The following TRMT1L variants were observed in gnomAD, a reference collection of about 807,000 sequenced individuals.
TRMT1L encodes the protein tRNA (guanine(27)-N(2))-dimethyltransferase.
A neutral mutation model predicts 81.6 loss-of-function variants in TRMT1L; 28 were observed. The observed-to-expected ratio is 0.34, with a 90% CI of 0.25 to 0.47. TRMT1L has a LOEUF of 0.47. Among genes scored for constraint, TRMT1L ranks in the 20% least tolerant of loss-of-function variants. The probability of loss-of-function intolerance (pLI) is 1.00; values close to 1 mark genes in which losing one functional copy is unlikely to be tolerated. For synonymous variants in TRMT1L, 301 were observed against 303.2 expected, an observed-to-expected ratio of 0.99 and a Z score of 0.07; for missense variants, 739 against 877.1, an observed-to-expected ratio of 0.84 and a Z score of 1.99.
In TRMT1L at chr1:185,145,561, C is replaced by A; in HGVS notation, c.533G>T (p.Ser178Ile). Residue 178 changes from serine (S) to isoleucine (I), a missense_variant, in exon 5 of 15, where the codon AGT (serine) becomes ATT (isoleucine). Ser to Ile is a moderately radical substitution (Grantham distance 142, BLOSUM62 -2). Transcript: ENST00000367506. ...ACAATGATAATGGGCTCCCATTTTACTGGTTATCTATCAAACAGAGTATTT... is the reference window on the plus strand; with the variant it reads ...ACAATGATAATGGGCTCCCATTTTAATGGTTATCTATCAAACAGAGTATTT... ...KPNIIGEQITSKMGAHYHCII... is the reference protein window; with the variant it reads ...KPNIIGEQITIKMGAHYHCII... 6.2e-7 allele frequency: 1 copy of A among 1,610,840 alleles called. No homozygotes were observed. The highest frequency in any genetic ancestry group is 8.5e-7 in the Non-Finnish European group (1 of 1,177,958).
intron 7 of TRMT1L, among the ~76,000 whole-genome samples, chr1:185,140,713 TCA>T (rs1653014690): frequency 6.6e-6 from 1 of 151,436 alleles, no homozygotes; most frequent in South Asian, 2.1e-4. Flanking sequence ...GTGAGATGGC[TCA>T]CACCTGTAAT....
Position 185,156,889 on chromosome 1 carries a change from G to T in TRMT1L, c.-177C>A. ...AACCAGTGACCAAATCCTGTTAGTA[G>T]AAAACAGAAAGCCAGAGGCAGCGAT... On this transcript the variant is annotated 5_prime_UTR_variant, in exon 1 of 15. Transcript: ENST00000367506. 1 of 872,350 alleles carries T rather than the reference G, an allele frequency of 1.1e-6. No homozygotes were observed. The allele number at this position is 872,350 out of a possible 1,614,324, so 54.0% of individuals were successfully genotyped here. A position where few individuals can be genotyped will look rare whatever the true frequency, so the allele number is the denominator to read the frequency against.
rs1431367362 is a variant in TRMT1L at position 185,139,577 on chromosome 1, T to C, written c.1112A>G (p.His371Arg). The C allele has an allele frequency of 1.2e-6, 2 of 1,603,956 alleles. No homozygotes were observed. Among genetic ancestry groups the C allele is most frequent in the Admixed American group, 3.4e-5 (2 of 59,308 alleles). ...CACTGATGTTCCAAAAGGGTCTAGATGTCTAAAATCAGAAAGAATATAGAC... is the reference window on the plus strand; with the variant it reads ...CACTGATGTTCCAAAAGGGTCTAGACGTCTAAAATCAGAAAGAATATAGAC... ...LMHLRSFDFIHLDPFGTSVNY... is the reference protein window; with the variant it reads ...LMHLRSFDFIRLDPFGTSVNY... The change falls in exon 9 of 15, where the codon CAT becomes CGT. Residue 371 changes from histidine (H) to arginine (R), a missense_variant and splice_region_variant. By Grantham distance (29) the His-to-Arg change is conservative. Transcript: ENST00000367506.
At chr1:185,147,308 A>G (rs368928285) in intron 3 of TRMT1L, 62 bp from the exon 4 acceptor site, 2 of 1,268,090 alleles carry the variant, frequency 1.6e-6, no homozygotes, top group Non-Finnish European at 2.3e-6. Flanking sequence ...ATCAAAAATT[A>G]TAAGCAAGTT....
intron 13 of TRMT1L, chr1:185,120,979 C>T (rs934378971): frequency 2.6e-5 from 4 of 152,406 alleles, no homozygotes; most frequent in African/African-American, 7.2e-5. Context: ...ATTGGATACA[C>T]AGTGGGTCTT....
intron 7 of TRMT1L, 111 bp from the exon 8 acceptor site, chr1:185,140,333 G>A: frequency 4.3e-6 from 4 of 937,856 alleles, no homozygotes; most frequent in East Asian, 2.7e-5. Context: ...AAAATTTAAT[G>A]TTTTCATGAA....
At position 185,120,463 on chromosome 1, in the gene TRMT1L, T is replaced by C; in HGVS notation, c.1869A>G (p.Gln623=). The change falls in exon 14 of 15, where the codon CAA becomes CAG. Residue 623 remains glutamine (Q), a synonymous_variant. Coordinates refer to ENST00000367506, the MANE Select transcript of TRMT1L (RefSeq NM_030934.5). ...NEMITNLGKK[Q]KTDVSTEHPP... The stretch of plus-strand genomic sequence containing the variant: ...GATGTTCAGTACTGACATCAGTCTT[T>C]TGCTTCTTGCCTAAATTTGTGATCA... 1 of 1,601,848 alleles carries C rather than the reference T, an allele frequency of 6.2e-7. No homozygotes were observed. The highest frequency in any genetic ancestry group is 1.1e-5 in the South Asian group (1 of 88,132).
At position 185,143,221 on chromosome 1, in the gene TRMT1L, T is replaced by A. The variant is rs190152670; in HGVS notation, c.859+136A>T. 137 of 652,248 alleles carry A rather than the reference T, an allele frequency of 2.1e-4. No individual in the cohort carries two copies. In the African/African-American group the frequency reaches 2.2e-3, roughly 10 times the overall value. The allele number at this position is 652,248 out of a possible 1,614,324, so 40.4% of individuals were successfully genotyped here. The stretch of plus-strand genomic sequence containing the variant: ...TTATACTCTAATATACATTTAAAAT[T>A]TTTCACAATAAAAAATTAAAAATTT... On this transcript the variant is annotated intron_variant, in intron 7 of 14. Transcript: ENST00000367506.
intron 11 of TRMT1L, among the ~76,000 whole-genome samples, chr1:185,125,851 A>G (rs1652612418): frequency 6.6e-6 from 1 of 152,186 alleles, no homozygotes; most frequent in Non-Finnish European, 1.5e-5. Flanking sequence ...GGTTTTCACA[A>G]TGCACATTCT....
At chr1:185,149,517 T>G (rs557730849) in intron 3 of TRMT1L, among the ~76,000 whole-genome samples, 7 of 152,072 alleles carry the variant, frequency 4.6e-5, no homozygotes, top group Non-Finnish European at 1.0e-4. Flanking sequence ...TTGCTCAGGC[T>G]GGTCTTGAAC....
In TRMT1L at chr1:185,131,939, G is replaced by A. The variant is rs185238654; in HGVS notation, c.1514-3192C>T. ...GCAGATCACTTGAGGTCAGGAGATC[G>A]AGACCAGCCTGGCCAATGTGCTGAA... is the stretch of plus-strand genomic sequence containing the variant. On this transcript the variant is annotated intron_variant, in intron 10 of 14. Coordinates refer to ENST00000367506, the MANE Select transcript of TRMT1L (RefSeq NM_030934.5). Among the ~76,000 whole-genome samples, 540 of 150,996 alleles carry A rather than the reference G, an allele frequency of 3.6e-3. 1 individual carries two copies. Among genetic ancestry groups the A allele is most frequent in the Admixed American group, 7.2e-3 (109 of 15,158 alleles).
intron 1 of TRMT1L, among the ~76,000 whole-genome samples, chr1:185,155,402 T>C (rs1653481800): frequency 6.6e-6 from 1 of 152,226 alleles, no homozygotes. Context: ...CTACAAGCTC[T>C]GATCTTATAT....
At chr1:185,138,565 T>G (rs1455140715) in intron 9 of TRMT1L, among the ~76,000 whole-genome samples, 1 of 152,088 alleles carries the variant, frequency 6.6e-6, no homozygotes, top group East Asian at 1.9e-4. Context: ...ATTCACAATA[T>G]CCGTTTATAT....
chr1:185,150,495 TAAAAAGA>T lies in TRMT1L; in HGVS notation c.347-10_347-4del. On this transcript the variant is annotated splice_polypyrimidine_tract_variant and splice_region_variant and intron_variant, in intron 2 of 14. Coordinates refer to ENST00000367506, the MANE Select transcript of TRMT1L (RefSeq NM_030934.5). ...CAATGGACAAGCCTGTCTGTTGCCTTAAAAAGAAAAAAGAATCAATAAACAACAGAAT... is the reference window on the plus strand; with the variant it reads ...CAATGGACAAGCCTGTCTGTTGCCTTAAAAAGAATCAATAAACAACAGAAT... The T allele has an allele frequency of 6.3e-7, 1 of 1,599,888 alleles. No individual in the cohort carries two copies. Among genetic ancestry groups the T allele is most frequent in the South Asian group, 1.1e-5 (1 of 90,220 alleles).
intron 13 of TRMT1L, 67 bp from the exon 14 acceptor site, chr1:185,120,576 A>AT: frequency 7.5e-7 from 1 of 1,330,988 alleles, no homozygotes; most frequent in Non-Finnish European, 9.8e-7. Context: ...TTATAACTAT[A>AT]TATTTATCTC....
intron 13 of TRMT1L, chr1:185,120,848 T>A (rs184455060): frequency 6.5e-6 from 1 of 153,040 alleles, no homozygotes. Flanking sequence ...TAAGTTGTCA[T>A]TTTTTTTTCT....
intron 10 of TRMT1L, among the ~76,000 whole-genome samples, chr1:185,134,178 G>C (rs952728873): frequency 4.6e-5 from 7 of 151,924 alleles, no homozygotes; most frequent in Non-Finnish European, 8.8e-5. Flanking sequence ...GGAACTATTT[G>C]ACTTTTTTTT....
rs1315263202 is a variant in TRMT1L at position 185,118,525 on chromosome 1, T to C, written c.*1494A>G. 2 of 152,154 alleles carry C rather than the reference T, an allele frequency of 1.3e-5. No homozygotes were observed. Among genetic ancestry groups the C allele is most frequent in the East Asian group, 1.9e-4 (1 of 5,194 alleles). The allele number at this position is 152,154 out of a possible 1,614,324, so 9.4% of individuals were successfully genotyped here. ...TAAAATAGTTTGCCTCCTGGATTTA[T>C]AGTAATTTTTAATTGAAAAAAACCT... On this transcript the variant is annotated 3_prime_UTR_variant, in exon 15 of 15. Coordinates refer to ENST00000367506, the MANE Select transcript of TRMT1L (RefSeq NM_030934.5).
chr1:185,128,553 G>T, intron 11 of TRMT1L, 116 bp downstream of exon 11: 2 of 934,832 alleles, frequency 2.1e-6, no homozygotes, highest in Non-Finnish European at 1.7e-6. Context: ...ATAATTATTT[G>T]CCTAGACTTA....
Sources: gnomAD v4.1 joint callset for allele counts (sites outside exome capture counted in the v4.1 genomes callset) on GRCh38, gnomAD v4.1.1 for gene constraint, MANE v1.5 for transcripts, NCBI Gene and HGNC (gene_info 2026-07-23, HGNC 2026-07-21) for gene names.